STKLD1: variants seen among roughly 807,000 people sequenced by gnomAD.
The protein encoded by STKLD1 is serine/threonine kinase like domain containing 1, also known as serine/threonine kinase-like domain-containing protein STKLD1.
STKLD1 carries 79 observed loss-of-function variants against 80.4 expected under a neutral mutation model. The ratio of observed to expected loss-of-function variants is 0.98; its 90% confidence interval spans 0.82 to 1.19. STKLD1 has a LOEUF of 1.19. Among genes scored for constraint, STKLD1 ranks in the 50% most tolerant of loss-of-function variants. The pLI, the probability that STKLD1 is intolerant of heterozygous loss-of-function variation, is 0.00. For synonymous variants in STKLD1, 393 were observed against 357.6 expected, an observed-to-expected ratio of 1.10 and a Z score of -1.12; for missense variants, 841 against 856.0, an observed-to-expected ratio of 0.98 and a Z score of 0.22.
intron 13 of STKLD1, among the ~76,000 whole-genome samples, chr9:133,402,403 C>A (rs1182854898): frequency 1.3e-5 from 2 of 152,182 alleles, no homozygotes; most frequent in Non-Finnish European, 2.9e-5. Flanking sequence ...GGGGTCTGGG[C>A]CCCAGCACCC....
In STKLD1 at chr9:133,400,414, T is replaced by G; in HGVS notation, c.1083T>G (p.Gly361=). The G allele has an allele frequency of 6.2e-7, 1 of 1,611,548 alleles. No individual in the cohort carries two copies. Among genetic ancestry groups the G allele is most frequent in the Non-Finnish European group, 8.5e-7 (1 of 1,179,332 alleles). The change falls in exon 12 of 18, where the codon GGT becomes GGG. Residue 361 remains glycine (G), a splice_region_variant and synonymous_variant. Coordinates refer to ENST00000371957, the MANE Select transcript of STKLD1 (RefSeq NM_153710.5). ...RLLKMPADQL[G]LPWPPELVEV... ...CCCCTGTGCCGCCCGCCCTGCCAGG[T>G]CTGCCGTGGCCCCCGGAGCTGGTGG...
chr9:133,377,222 TA>T (rs2130253101), intron 1 of STKLD1, among the ~76,000 whole-genome samples: 36 of 150,954 alleles, frequency 2.4e-4, no homozygotes, highest in African/African-American at 8.5e-4. Flanking sequence ...TTTTTCAGAT[TA>T]AAAAAAAATA....
Position 133,395,673 on chromosome 9 carries a change from T to C in STKLD1, c.776T>C (p.Met259Thr). Residue 259 changes from methionine (M) to threonine (T), a missense_variant, in exon 9 of 18, where the codon ATG becomes ACG. By Grantham distance (81) the Met-to-Thr change is moderately conservative (BLOSUM62 -1). Coordinates refer to ENST00000371957, the MANE Select transcript of STKLD1 (RefSeq NM_153710.5). ...AGCCTGAAGGCCGTCCTGAAGACAA[T>C]GGAGGAGAAGCAGATCCCGGATGTG... ...PGSLKAVLKT[M>T]EEKQIPDVET... is the part of the protein sequence containing the mutation. 2.5e-6 allele frequency: 4 copies of C among 1,613,410 alleles called. No individual in the cohort carries two copies. The East Asian group carries it at 8.9e-5, about 36-fold the overall frequency.
In STKLD1 at chr9:133,403,708, G is replaced by T. The variant is rs781920489; in HGVS notation, c.1483G>T (p.Val495Leu). Residue 495 changes from valine to leucine, a missense_variant, in exon 15 of 18, where the codon GTG (valine) becomes TTG (leucine). By Grantham distance (32) the Val-to-Leu change is conservative (BLOSUM62 1). Coordinates refer to ENST00000371957, the MANE Select transcript of STKLD1 (RefSeq NM_153710.5). ...LWALLLDGII[V>L]NKAPLEKVPD... ...CCCTGTCCTCGTTCCAGGTATCATT[G>T]TGAACAAGGCCCCCTTGGAGAAGGT... 3 of 1,613,310 alleles carry T rather than the reference G, an allele frequency of 1.9e-6. No homozygotes were observed. The African/African-American group carries it at 4.0e-5, about 22-fold the overall frequency.
Position 133,376,536 on chromosome 9 carries a change from C to T in STKLD1, c.63C>T (p.Pro21=), listed in dbSNP as rs2130249109. The T allele has an allele frequency of 5.2e-5, 83 of 1,600,242 alleles. No homozygotes were observed. Among genetic ancestry groups the T allele is most frequent in the Middle Eastern group, 1.7e-4 (1 of 6,050 alleles). The stretch of plus-strand genomic sequence containing the variant: ...AGGGGGAGCGAGGCCCAGGGTCCCC[C>T]GGAGAGCCCATGGAGAAGTACCAGG... ...PTQGERGPGS[P]GEPMEKYQVL... The change falls in exon 1 of 18, where the codon CCC becomes CCT. Residue 21 remains proline, a synonymous_variant. Coordinates refer to ENST00000371957, the MANE Select transcript of STKLD1 (RefSeq NM_153710.5).
At chr9:133,380,954 G>C (rs1225772104) in intron 2 of STKLD1, among the ~76,000 whole-genome samples, 1 of 151,902 alleles carries the variant, frequency 6.6e-6, no homozygotes, top group East Asian at 1.9e-4. Context: ...CTATCACATG[G>C]GCTGAGCATT....
In STKLD1 at chr9:133,403,705, A is replaced by C; in HGVS notation, c.1480A>C (p.Ile494Leu). The C allele has an allele frequency of 6.2e-7, 1 of 1,613,454 alleles. No homozygotes were observed. The highest frequency in any genetic ancestry group is 8.5e-7 in the Non-Finnish European group (1 of 1,179,698). ...LLWALLLDGI[I>L]VNKAPLEKVP... The stretch of plus-strand genomic sequence containing the variant: ...CATCCCTGTCCTCGTTCCAGGTATC[A>C]TTGTGAACAAGGCCCCCTTGGAGAA... Residue 494 changes from isoleucine to leucine, a missense_variant, in exon 15 of 18, where the codon ATT (isoleucine) becomes CTT (leucine). Physicochemically the swap from Ile to Leu is conservative, Grantham distance 5. Transcript: ENST00000371957.
In STKLD1 at chr9:133,395,655, A is replaced by C; in HGVS notation, c.758A>C (p.Lys253Thr). The C allele has an allele frequency of 1.9e-6, 3 of 1,613,436 alleles. No individual in the cohort carries two copies. Among genetic ancestry groups the C allele is most frequent in the Non-Finnish European group, 2.5e-6 (3 of 1,180,026 alleles). The change falls in exon 9 of 18, where the codon AAG becomes ACG. Residue 253 changes from lysine to threonine, a missense_variant. Lys to Thr is a moderately conservative substitution (Grantham distance 78). Transcript: ENST00000371957. ...KSLRQSPGSL[K>T]AVLKTMEEKQ... is the part of the protein sequence containing the mutation. ...CTCCGCCAGAGCCCAGGCAGCCTGA[A>C]GGCCGTCCTGAAGACAATGGAGGAG...
intron 1 of STKLD1, among the ~76,000 whole-genome samples, chr9:133,377,236 C>T (rs1837999282): frequency 6.6e-6 from 1 of 152,102 alleles, no homozygotes; most frequent in Non-Finnish European, 1.5e-5. Flanking sequence ...AAAAAATAGA[C>T]GTTTCAGGAA....
chr9:133,384,109 C>A lies in STKLD1; in HGVS notation c.219+209C>A. ...AACACTCACTGCTAAATGCAGGTGC[C>A]GACAACTTAGAACATATGTTCCCAG... On this transcript the variant is annotated intron_variant, in intron 3 of 17. Transcript: ENST00000371957. The surrounding 1 kb of genome is among the most constrained non-coding windows in gnomAD (Gnocchi z 4.3). The A allele has an allele frequency of 3.5e-6, 2 of 573,512 alleles. No individual in the cohort carries two copies. The highest frequency in any genetic ancestry group is 4.1e-5 in the South Asian group (2 of 48,550). The allele number at this position is 573,512 out of a possible 1,614,324, so 35.5% of individuals were successfully genotyped here. A position where few individuals can be genotyped will look rare whatever the true frequency, so the allele number is the denominator to read the frequency against.
At chr9:133,398,845 TTTTG>T (rs782721343) in intron 11 of STKLD1, among the ~76,000 whole-genome samples, 197 of 151,824 alleles carry the variant, frequency 1.3e-3, no homozygotes, top group Middle Eastern at 3.4e-3. Context: ...TTTTTTTTGT[TTTTG>T]TTTGTTTGTT....
intron 12 of STKLD1, among the ~76,000 whole-genome samples, chr9:133,401,098 G>T (rs1165946339): frequency 6.6e-6 from 1 of 151,490 alleles, no homozygotes; most frequent in Non-Finnish European, 1.5e-5. Flanking sequence ...TAAAAGAGTT[G>T]AATTAGCTTT....
Position 133,394,084 on chromosome 9 carries a change from A to C in STKLD1, c.584-207A>C. On this transcript the variant is annotated intron_variant, in intron 7 of 17. Coordinates refer to ENST00000371957, the MANE Select transcript of STKLD1 (RefSeq NM_153710.5). This position sits in a 1 kb window ranked among gnomAD's most constrained non-coding sequence, Gnocchi z 4.9. Reference sequence around the variant, plus strand: ...TGGACAGCTTCAGTGGCTCCAGATCAACACAAAGCTCCCGCTGATTGGGGC... The same window carrying C: ...TGGACAGCTTCAGTGGCTCCAGATCCACACAAAGCTCCCGCTGATTGGGGC... 3.5e-6 allele frequency: 2 copies of C among 578,546 alleles called. No individual in the cohort carries two copies. Among genetic ancestry groups the C allele is most frequent in the Non-Finnish European group, 6.2e-6 (2 of 321,812 alleles). The allele number at this position is 578,546 out of a possible 1,614,324, so 35.8% of individuals were successfully genotyped here.
intron 7 of STKLD1, among the ~76,000 whole-genome samples, chr9:133,391,235 G>GT (rs1460224429): frequency 6.7e-5 from 10 of 149,718 alleles, no homozygotes; most frequent in African/African-American, 2.5e-4. Context: ...CGGGAGGGAG[G>GT]TGGGGGGGTC....
chr9:133,389,124 T>G lies in STKLD1; in HGVS notation c.397-402T>G. ...GCATTCTCTCTCAGGGCTCTTTTCATTTGAATGACCTAGAGGATTGAGCTC... is the reference window on the plus strand; with the variant it reads ...GCATTCTCTCTCAGGGCTCTTTTCAGTTGAATGACCTAGAGGATTGAGCTC... On this transcript the variant is annotated intron_variant, in intron 5 of 17. Coordinates refer to ENST00000371957, the MANE Select transcript of STKLD1 (RefSeq NM_153710.5). The surrounding 1 kb of genome is among the most constrained non-coding windows in gnomAD (Gnocchi z 6.4). The G allele has an allele frequency of 4.1e-6, 4 of 985,384 alleles. No homozygotes were observed. The highest frequency in any genetic ancestry group is 4.8e-6 in the Non-Finnish European group (4 of 829,920). The allele number at this position is 985,384 out of a possible 1,614,324, so 61.0% of individuals were successfully genotyped here.
chr9:133,381,040 T>TTTTTGTTTTG (rs113425746), intron 2 of STKLD1, among the ~76,000 whole-genome samples: 1 of 152,040 alleles, frequency 6.6e-6, no homozygotes, highest in Non-Finnish European at 1.5e-5. Context: ...TTTGTTTGTT[T>TTTTTGTTTTG]TTTTGTTTTG....
chr9:133,403,060 C>A, intron 14 of STKLD1, 48 bp downstream of exon 14: 1 of 1,522,388 alleles, frequency 6.6e-7, no homozygotes, highest in Non-Finnish European at 8.8e-7. Flanking sequence ...CAGCCCTCCC[C>A]CAGCCCCTCC....
Position 133,394,685 on chromosome 9 carries a change from A to G in STKLD1, c.702+276A>G. ...AGCAGCCCTCCAGGTGGTGTCACTG[A>G]CTCTTGATGGAGAAAAGCCAAGTTC... On this transcript the variant is annotated intron_variant, in intron 8 of 17. Transcript: ENST00000371957. This position sits in a 1 kb window ranked among gnomAD's most constrained non-coding sequence, Gnocchi z 4.9. 1 of 427,724 alleles carries G rather than the reference A, an allele frequency of 2.3e-6. No individual in the cohort carries two copies. Among genetic ancestry groups the G allele is most frequent in the Non-Finnish European group, 4.3e-6 (1 of 233,474 alleles). 26.5% of individuals were successfully genotyped at this position (427,724 alleles called of 1,614,324 possible).
chr9:133,386,981 T>C (rs1838279531), intron 4 of STKLD1, among the ~76,000 whole-genome samples: 1 of 152,148 alleles, frequency 6.6e-6, no homozygotes, highest in South Asian at 2.1e-4. Flanking sequence ...CCTAATGCTC[T>C]CAAGGAGGGT....
Sources: gnomAD v4.1 joint callset for allele counts (sites outside exome capture counted in the v4.1 genomes callset) on GRCh38, gnomAD v4.1.1 for gene constraint, Gnocchi (gnomAD v3.1) non-coding constraint, MANE v1.5 for transcripts, NCBI Gene and HGNC (gene_info 2026-07-23, HGNC 2026-07-21) for gene names.